The following SEC62 variants were observed in gnomAD, a reference collection of about 807,000 sequenced individuals.
SEC62 encodes the protein SEC62 preprotein translocation factor.
A neutral mutation model predicts 47.5 loss-of-function variants in SEC62; 10 were observed. That is an observed-to-expected ratio of 0.21 (90% CI 0.13 to 0.36). SEC62 has a LOEUF of 0.36. Among genes scored for constraint, SEC62 ranks in the 10% least tolerant of loss-of-function variants. The pLI is 1.00. For missense variants in SEC62, 327 were observed against 464.1 expected, an observed-to-expected ratio of 0.70 and a Z score of 2.71; for synonymous variants, 136 against 150.5, an observed-to-expected ratio of 0.90 and a Z score of 0.71.
chr3:169,969,395 G>A (rs746530736), intron 1 of SEC62: 2 of 455,976 alleles, frequency 4.4e-6, no homozygotes, highest in Admixed American at 2.4e-5. Context: ...TGAGCTACAT[G>A]TACTCATACA....
At chr3:169,980,785 T>C (rs1156373265) in intron 3 of SEC62, among the ~76,000 whole-genome samples, 1 of 152,236 alleles carries the variant, frequency 6.6e-6, no homozygotes, top group Non-Finnish European at 1.5e-5. Flanking sequence ...TTTGAGAATA[T>C]ATACTTCAAG....
Sources: gnomAD v4.1 joint callset for allele counts (sites outside exome capture counted in the v4.1 genomes callset) on GRCh38, gnomAD v4.1.1 for gene constraint, MANE v1.5 for transcripts, NCBI Gene and HGNC (gene_info 2026-07-23, HGNC 2026-07-21) for gene names.